The following CSMD1 variants were observed in gnomAD, a reference collection of about 807,000 sequenced individuals.
The protein encoded by CSMD1 is CUB and Sushi multiple domains 1.
In CSMD1, 213 loss-of-function variants were observed where a neutral mutation model predicts 417.5. That is an observed-to-expected ratio of 0.51 (90% CI 0.46 to 0.57). The LOEUF is 0.57. Among genes scored for constraint, CSMD1 ranks in the 20% least tolerant of loss-of-function variants. The pLI, the probability that CSMD1 is intolerant of heterozygous loss-of-function variation, is 0.00. For synonymous variants in CSMD1, 2,862 were observed against 1,736.8 expected (o/e 1.65, Z -16.11); for missense variants, 6,923 against 4,529.7 (o/e 1.53, Z -15.17).
chr8:3,325,608 G>C (rs1806474626), intron 23 of CSMD1, among the ~76,000 whole-genome samples: 1 of 152,206 alleles, frequency 6.6e-6, no homozygotes. Context: ...CAAATGGCCT[G>C]AGGTCAGGAG....
intron 25 of CSMD1, among the ~76,000 whole-genome samples, chr8:3,307,170 T>C (rs774429012): frequency 6.6e-6 from 1 of 152,086 alleles, no homozygotes; most frequent in Non-Finnish European, 1.5e-5. Flanking sequence ...TGAGACTTGC[T>C]TTGACAAAGG....
intron 3 of CSMD1, among the ~76,000 whole-genome samples, chr8:4,340,875 T>G (rs1800438427): frequency 6.6e-6 from 1 of 152,056 alleles, no homozygotes; most frequent in African/African-American, 2.4e-5. Context: ...TGATATTAAC[T>G]ATTAATGAAT....
intron 3 of CSMD1, among the ~76,000 whole-genome samples, chr8:4,404,839 C>G (rs549850939): frequency 6.6e-6 from 1 of 152,110 alleles, no homozygotes; most frequent in Non-Finnish European, 1.5e-5. Context: ...ATAACAACAA[C>G]AGGCCCTTAC....
At chr8:4,992,156 A>G (rs575583391) in intron 1 of CSMD1, among the ~76,000 whole-genome samples, 12 of 151,936 alleles carry the variant, frequency 7.9e-5, no homozygotes, top group African/African-American at 2.9e-4. Flanking sequence ...GGACTTTGCA[A>G]CCCCTGCCCT....
chr8:4,029,941 T>TG (rs947632465), intron 4 of CSMD1, among the ~76,000 whole-genome samples: 30 of 152,224 alleles, frequency 2.0e-4, no homozygotes, highest in African/African-American at 6.7e-4. Context: ...TAGAATCCAG[T>TG]GGGGCAGTCA....
chr8:4,059,820 G>C (rs1356842511), intron 3 of CSMD1, among the ~76,000 whole-genome samples: 2 of 150,536 alleles, frequency 1.3e-5, no homozygotes, highest in South Asian at 2.1e-4. Context: ...CAACCAAAAA[G>C]AGTCCAGGAC....
chr8:4,884,872 T>A (rs1295415111), intron 1 of CSMD1, among the ~76,000 whole-genome samples: 1 of 152,090 alleles, frequency 6.6e-6, no homozygotes, highest in Non-Finnish European at 1.5e-5. Context: ...AACATAAATT[T>A]TAGGGTCAGC....
At chr8:4,071,232 G>C (rs1267766829) in intron 3 of CSMD1, among the ~76,000 whole-genome samples, 1 of 151,650 alleles carries the variant, frequency 6.6e-6, no homozygotes, top group African/African-American at 2.4e-5. Context: ...ACGTCTGTTA[G>C]GCCTGATATT....
At chr8:3,763,062 C>T (rs1176686745) in intron 5 of CSMD1, among the ~76,000 whole-genome samples, 1 of 152,146 alleles carries the variant, frequency 6.6e-6, no homozygotes, top group African/African-American at 2.4e-5. Flanking sequence ...GAGATTGAAG[C>T]CTGTCCTATT....
intron 26 of CSMD1, among the ~76,000 whole-genome samples, chr8:3,243,972 G>A (rs531664122): frequency 2.0e-5 from 3 of 152,202 alleles, no homozygotes; most frequent in South Asian, 4.1e-4. Flanking sequence ...ATAGAAGTAC[G>A]TTTGCTTAGC....
At chr8:3,436,166 G>A (rs1029314872) in intron 12 of CSMD1, among the ~76,000 whole-genome samples, 1 of 151,938 alleles carries the variant, frequency 6.6e-6, no homozygotes, top group East Asian at 1.9e-4. Flanking sequence ...TTACCACCTG[G>A]GAGAACATCA....
chr8:4,706,616 G>T (rs897339010), intron 1 of CSMD1, among the ~76,000 whole-genome samples: 1 of 152,208 alleles, frequency 6.6e-6, no homozygotes, highest in Non-Finnish European at 1.5e-5. Flanking sequence ...TGTCTAGTTA[G>T]TATAAACAGT....
At chr8:4,633,678 T>A (rs573763529) in intron 2 of CSMD1, among the ~76,000 whole-genome samples, 20 of 152,254 alleles carry the variant, frequency 1.3e-4, no homozygotes, top group Non-Finnish European at 2.5e-4. Context: ...TGCCTCAGCC[T>A]CCCGAGTAGC....
intron 47 of CSMD1, among the ~76,000 whole-genome samples, chr8:3,094,188 C>A (rs538859461): frequency 1.3e-5 from 2 of 152,122 alleles, no homozygotes; most frequent in Non-Finnish European, 2.9e-5. Flanking sequence ...TCTCTGCAAC[C>A]TTTGCCTCCT....
intron 10 of CSMD1, among the ~76,000 whole-genome samples, chr8:3,573,789 T>C (rs1338490908): frequency 6.6e-6 from 1 of 151,944 alleles, no homozygotes; most frequent in African/African-American, 2.4e-5. Context: ...AATTGGTAAA[T>C]AGTGGGGTTC....
At position 3,649,949 on chromosome 8, in the gene CSMD1, T is replaced by TAA. The variant is rs60527606; in HGVS notation, c.1010-33154_1010-33153dup. 7.9e-4 allele frequency among the ~76,000 whole-genome samples: 120 copies of TAA among 152,000 alleles called. 1 individual carries two copies. Among genetic ancestry groups the TAA allele is most frequent in the Non-Finnish European group, 1.4e-3 (95 of 67,984 alleles). On this transcript the variant is annotated intron_variant, in intron 7 of 69. Coordinates refer to ENST00000635120, the MANE Select transcript of CSMD1 (RefSeq NM_033225.6). ...ACTTAAAATTACATATTCTTATTTT[T>TAA]AAAAAACAATCTTAAATGCTAGGAG... is the stretch of plus-strand genomic sequence containing the variant.
At chr8:4,326,756 A>G (rs906745598) in intron 3 of CSMD1, among the ~76,000 whole-genome samples, 29 of 152,282 alleles carry the variant, frequency 1.9e-4, no homozygotes, top group African/African-American at 6.7e-4. Flanking sequence ...GCCCATCTTC[A>G]GAAGAAGATG....
rs185254905 is a variant in CSMD1, at chr8:3,871,729, C to T, written c.819-117687G>A. Among the ~76,000 whole-genome samples the T allele has an allele frequency of 2.1e-3, 322 of 152,188 alleles. 2 individuals are homozygous for T. Among genetic ancestry groups the T allele is most frequent in the African/African-American group, 7.5e-3 (313 of 41,540 alleles). On this transcript the variant is annotated intron_variant, in intron 5 of 69. Transcript: ENST00000635120. ...GTCTCAAAAAATTGCTTTTGAAATC[C>T]ACCCTTCTAACATTTGAGAATGTGG...
chr8:4,165,388 T>G (rs1044829905), intron 3 of CSMD1, among the ~76,000 whole-genome samples: 2 of 152,254 alleles, frequency 1.3e-5, no homozygotes, highest in Non-Finnish European at 2.9e-5. Context: ...CTAAAAGATG[T>G]GCCATTTGTA....
Sources: gnomAD v4.1 joint callset for allele counts (sites outside exome capture counted in the v4.1 genomes callset) on GRCh38, gnomAD v4.1.1 for gene constraint, MANE v1.5 for transcripts, NCBI Gene and HGNC (gene_info 2026-07-23, HGNC 2026-07-21) for gene names.